Variants in HTR2A observed in about 807,000 individuals in gnomAD.
HTR2A encodes the protein 5-HT2 receptor.
A neutral mutation model predicts 31.0 loss-of-function variants in HTR2A; 14 were observed. The observed-to-expected ratio is 0.45, with a 90% CI of 0.30 to 0.71. The LOEUF (loss-of-function observed/expected upper bound fraction) is 0.71. HTR2A is among the 30% of genes least tolerant of loss of function. The pLI, the probability that HTR2A is intolerant of heterozygous loss-of-function variation, is 0.09. For synonymous variants in HTR2A, 209 were observed against 225.2 expected, an observed-to-expected ratio of 0.93 and a Z score of 0.64; for missense variants, 442 against 573.3, an observed-to-expected ratio of 0.77 and a Z score of 2.34.
At chr13:46,841,648 T>C (rs1248652665) in intron 3 of HTR2A, among the ~76,000 whole-genome samples, 20 of 152,132 alleles carry the variant, frequency 1.3e-4, no homozygotes, top group Non-Finnish European at 2.9e-4. Flanking sequence ...GGTGGCCTAA[T>C]TGCCCCCATC....
intron 3 of HTR2A, among the ~76,000 whole-genome samples, chr13:46,886,853 T>C (rs1951010277): frequency 6.6e-6 from 1 of 152,196 alleles, no homozygotes; most frequent in African/African-American, 2.4e-5. Context: ...ATGTTGAGGA[T>C]ATGAAACTTG....
chr13:46,892,659 T>C, intron 2 of HTR2A, 69 bp from the exon 3 acceptor site: 1 of 1,324,592 alleles, frequency 7.5e-7, no homozygotes, highest in Non-Finnish European at 1.1e-6. Flanking sequence ...CCCTATCCTA[T>C]GACAATTTCC....
At chr13:46,863,648 A>AG (rs60980809) in intron 3 of HTR2A, among the ~76,000 whole-genome samples, 1 of 112,222 alleles carries the variant, frequency 8.9e-6, no homozygotes. Flanking sequence ...AAAAAAAAAA[A>AG]AGAAAAAAAA....
intron 3 of HTR2A, among the ~76,000 whole-genome samples, chr13:46,859,584 A>C (rs1950765177): frequency 6.6e-6 from 1 of 151,906 alleles, no homozygotes; most frequent in Admixed American, 6.6e-5. Flanking sequence ...GTTTCATGAG[A>C]GAGTTCTCAG....
chr13:46,882,229 T>TAAA (rs10648117), intron 3 of HTR2A, among the ~76,000 whole-genome samples: 2,533 of 148,692 alleles, frequency 0.017, 57 homozygotes, highest in African/African-American at 0.054. Context: ...TCAGGGAAGT[T>TAAA]AAAAAAAAAA....
chr13:46,884,264 T>C (rs1404353507), intron 3 of HTR2A, among the ~76,000 whole-genome samples: 1 of 152,362 alleles, frequency 6.6e-6, no homozygotes, highest in Non-Finnish European at 1.5e-5. Flanking sequence ...ATTGTCTACT[T>C]CTTGAATTTT....
chr13:46,861,923 A>G (rs1333831269), intron 3 of HTR2A, among the ~76,000 whole-genome samples: 1 of 152,230 alleles, frequency 6.6e-6, no homozygotes, highest in Non-Finnish European at 1.5e-5. Context: ...TGGCAAAAGA[A>G]CCCTAGATAA....
rs1233759094 is a variant in HTR2A, at chr13:46,833,070, A to C, written c.*1767T>G. The C allele has an allele frequency of 6.6e-6, 1 of 152,166 alleles. No homozygotes were observed. The highest frequency in any genetic ancestry group is 2.4e-5 in the African/African-American group (1 of 41,440). 9.4% of individuals were successfully genotyped at this position (152,166 alleles called of 1,614,324 possible). ...ACTGAAATGAGTGAGTTTTTGGAGA[A>C]ATAGAAGAAAAATTTTGCTCAAAAC... On this transcript the variant is annotated 3_prime_UTR_variant, in exon 4 of 4. Coordinates refer to ENST00000542664, the MANE Select transcript of HTR2A (RefSeq NM_000621.5).
At position 46,895,829 on chromosome 13, in the gene HTR2A, C is replaced by T. The variant is rs1440605775; in HGVS notation, c.78G>A (p.Arg26=). Residue 26 remains arginine (R), a synonymous_variant, in exon 2 of 4, where the codon AGG becomes AGA. Transcript: ENST00000542664. This position sits in a 1 kb window ranked among gnomAD's most constrained non-coding sequence, Gnocchi z 4.4. Reference sequence around the variant, plus strand: ...CGGAGTTAAAGTCATTACTGTAGAGCCTGGTGTCATCATTTAATTGCATTA... The same window carrying T: ...CGGAGTTAAAGTCATTACTGTAGAGTCTGGTGTCATCATTTAATTGCATTA... ...NSLMQLNDDT[R]LYSNDFNSGE... is the part of the protein sequence containing the mutation. The T allele has an allele frequency of 1.2e-6, 2 of 1,614,052 alleles. No individual in the cohort carries two copies. Among genetic ancestry groups the T allele is most frequent in the Non-Finnish European group, 1.7e-6 (2 of 1,179,978 alleles).
At chr13:46,851,815 C>A (rs1950686719) in intron 3 of HTR2A, among the ~76,000 whole-genome samples, 1 of 152,192 alleles carries the variant, frequency 6.6e-6, no homozygotes, top group Non-Finnish European at 1.5e-5. Context: ...TAATGGTCCC[C>A]AAAGATGCCT....
intron 3 of HTR2A, among the ~76,000 whole-genome samples, chr13:46,872,831 A>C (rs1950874343): frequency 6.6e-6 from 1 of 152,180 alleles, no homozygotes; most frequent in Admixed American, 6.5e-5. Context: ...TGGACTTCCC[A>C]TTAGTTCCTA....
intron 3 of HTR2A, among the ~76,000 whole-genome samples, chr13:46,837,787 T>A (rs1950571737): frequency 6.6e-6 from 1 of 152,248 alleles, no homozygotes; most frequent in Non-Finnish European, 1.5e-5. Flanking sequence ...AACGCTGAGT[T>A]GATGTAATAT....
chr13:46,860,571 C>T (rs1950771789), intron 3 of HTR2A, among the ~76,000 whole-genome samples: 3 of 152,128 alleles, frequency 2.0e-5, no homozygotes, highest in East Asian at 1.9e-4. Context: ...ACTTCAACTG[C>T]GAATATATTC....
intron 3 of HTR2A, among the ~76,000 whole-genome samples, chr13:46,878,412 A>C (rs1378649467): frequency 3.3e-5 from 5 of 152,114 alleles, no homozygotes; most frequent in African/African-American, 1.2e-4. Flanking sequence ...TTCACCTGAG[A>C]AGTGTGGGGG....
In HTR2A at chr13:46,832,487, TA is replaced by T. The variant is rs1486187674; in HGVS notation, c.*2349del. ...TCAAAAGACATCTATCAGGCAACAT[TA>T]ATGTACATTCTGATCAAGATTGAGT... On this transcript the variant is annotated 3_prime_UTR_variant, in exon 4 of 4. Coordinates refer to ENST00000542664, the MANE Select transcript of HTR2A (RefSeq NM_000621.5). 14 of 152,222 alleles carry T rather than the reference TA, an allele frequency of 9.2e-5. No homozygotes were observed. In the East Asian group the frequency reaches 2.7e-3, roughly 29 times the overall value. The allele number at this position is 152,222 out of a possible 1,614,324, so 9.4% of individuals were successfully genotyped here.
intron 3 of HTR2A, among the ~76,000 whole-genome samples, chr13:46,857,110 G>C (rs986819451): frequency 6.6e-6 from 1 of 151,950 alleles, no homozygotes; most frequent in Non-Finnish European, 1.5e-5. Context: ...GACCATCCTG[G>C]CCAACTTGGT....
chr13:46,864,648 G>A (rs1288473664), intron 3 of HTR2A, among the ~76,000 whole-genome samples: 1 of 152,146 alleles, frequency 6.6e-6, no homozygotes. Context: ...GATATGAGAA[G>A]TTTGTTTTTC....
intron 3 of HTR2A, among the ~76,000 whole-genome samples, chr13:46,868,404 A>G (rs1194999099): frequency 6.6e-6 from 1 of 152,250 alleles, no homozygotes; most frequent in African/African-American, 2.4e-5. Flanking sequence ...AAGAACAAGT[A>G]AAACTATTCA....
intron 3 of HTR2A, among the ~76,000 whole-genome samples, chr13:46,864,228 A>G (rs1048053791): frequency 1.3e-5 from 2 of 152,174 alleles, no homozygotes; most frequent in African/African-American, 4.8e-5. Flanking sequence ...GGGGAACAAC[A>G]CACAACTAGG....
Sources: gnomAD v4.1 joint callset for allele counts (sites outside exome capture counted in the v4.1 genomes callset) on GRCh38, gnomAD v4.1.1 for gene constraint, Gnocchi (gnomAD v3.1) non-coding constraint, MANE v1.5 for transcripts, NCBI Gene and HGNC (gene_info 2026-07-23, HGNC 2026-07-21) for gene names.